Variants in CEP63 observed in about 807,000 individuals in gnomAD.
CEP63 encodes centrosomal protein of 63 kDa.
Under a neutral mutation model 89.1 loss-of-function variants are expected in CEP63, and 84 were observed. The observed-to-expected ratio is 0.94, with a 90% CI of 0.79 to 1.13. The LOEUF is 1.13. Ranked by LOEUF, CEP63 falls within the 50% of genes most tolerant of loss-of-function variation. CEP63 has a pLI of 0.00. For synonymous variants in CEP63, 267 were observed against 272.5 expected, an observed-to-expected ratio of 0.98 and a Z score of 0.20; for missense variants, 838 against 813.3, an observed-to-expected ratio of 1.03 and a Z score of -0.37.
At chr3:134,554,532 C>T (rs1289801221) in intron 12 of CEP63, among the ~76,000 whole-genome samples, 4 of 148,862 alleles carry the variant, frequency 2.7e-5, no homozygotes, top group African/African-American at 4.9e-5. Context: ...TGAATAGTGC[C>T]GCAATAAACA....
At chr3:134,695,881 A>C in the CEP63 span, among the ~76,000 whole-genome samples, 1 of 152,314 alleles carries the variant, frequency 6.6e-6, no homozygotes, top group African/African-American at 2.4e-5. Context: ...TCCTCACTAC[A>C]ATCTGGGGAC....
At chr3:134,604,599 G>T in the CEP63 span, 2 of 788,140 alleles carry the variant, frequency 2.5e-6, 1 homozygote, top group South Asian at 3.6e-5. Context: ...TATTTCCACG[G>T]TGTTAATACT....
chr3:134,551,255 C>G (rs909650330), intron 11 of CEP63, among the ~76,000 whole-genome samples: 1 of 152,120 alleles, frequency 6.6e-6, no homozygotes, highest in African/African-American at 2.4e-5. Flanking sequence ...GCTGTCCTTT[C>G]TTCATGGTGA....
chr3:134,741,841 G>A, the CEP63 span, among the ~76,000 whole-genome samples: 2 of 152,158 alleles, frequency 1.3e-5, no homozygotes, highest in South Asian at 4.2e-4. Context: ...TAGACTCTCA[G>A]GGGTTCAGCC....
chr3:134,486,005 C>A (rs1423259335), upstream of CEP63: 1 of 985,012 alleles, frequency 1.0e-6, no homozygotes, highest in Non-Finnish European at 1.2e-6. Flanking sequence ...CCCCCCCCTC[C>A]CCCGCATCAC....
downstream of CEP63, among the ~76,000 whole-genome samples, chr3:134,565,430 G>A (rs1052797997): frequency 5.3e-5 from 8 of 152,072 alleles, no homozygotes; most frequent in Non-Finnish European, 7.3e-5. Context: ...CAAAACACTC[G>A]AGTCCAGTAC....
intron 12 of CEP63, among the ~76,000 whole-genome samples, chr3:134,554,096 A>T (rs1199347063): frequency 6.6e-6 from 1 of 152,006 alleles, no homozygotes; most frequent in Non-Finnish European, 1.5e-5. Flanking sequence ...TCCTTTTATT[A>T]TTATACTTTA....
the CEP63 span, among the ~76,000 whole-genome samples, chr3:134,637,299 T>A: frequency 5.9e-5 from 9 of 152,258 alleles, no homozygotes; most frequent in Non-Finnish European, 1.0e-4. Flanking sequence ...TGTCTTCCCA[T>A]CATCAGTGAG....
At chr3:134,654,813 T>G in the CEP63 span, among the ~76,000 whole-genome samples, 2 of 152,050 alleles carry the variant, frequency 1.3e-5, no homozygotes, top group African/African-American at 4.8e-5. Flanking sequence ...ACTGGAGCCA[T>G]TCCCTCCCCT....
chr3:134,554,595 A>G (rs377228346), intron 12 of CEP63, among the ~76,000 whole-genome samples: 28 of 147,556 alleles, frequency 1.9e-4, no homozygotes, highest in East Asian at 8.4e-4. Context: ...TTGGGTATAT[A>G]CCCAGTAATG....
chr3:134,493,390 TCTC>T (rs1938439854), intron 1 of CEP63, among the ~76,000 whole-genome samples: 1 of 151,560 alleles, frequency 6.6e-6, no homozygotes, highest in Non-Finnish European at 1.5e-5. Context: ...GCCTCCCAGT[TCTC>T]CTAGAGTGGA....
chr3:134,727,317 C>T, the CEP63 span, among the ~76,000 whole-genome samples: 1 of 152,150 alleles, frequency 6.6e-6, no homozygotes, highest in African/African-American at 2.4e-5. Flanking sequence ...AGTGTTAGTG[C>T]AATTGAATTA....
intron 2 of CEP63, among the ~76,000 whole-genome samples, chr3:134,504,632 TG>T (rs1253117517): frequency 6.6e-6 from 1 of 152,216 alleles, no homozygotes; most frequent in African/African-American, 2.4e-5. Flanking sequence ...TTCCTTTATT[TG>T]GATATCTATA....
the CEP63 span, chr3:134,624,924 A>T: frequency 1.3e-6 from 1 of 780,988 alleles, no homozygotes; most frequent in South Asian, 1.6e-5. Context: ...TGCTATGAAA[A>T]GGCATTCCAG....
chr3:134,740,266 T>TTTCATTTA, the CEP63 span, among the ~76,000 whole-genome samples: 2,742 of 140,930 alleles, frequency 0.019, 82 homozygotes, highest in African/African-American at 0.068. Flanking sequence ...TATTCTTTTC[T>TTTCATTTA]TTTATTTATT....
the CEP63 span, chr3:134,629,482 C>A: frequency 1.6e-6 from 1 of 643,726 alleles, no homozygotes; most frequent in Non-Finnish European, 2.8e-6. Flanking sequence ...AGCTGTCATG[C>A]TTCTGCCTTT....
At chr3:134,738,914 A>G in the CEP63 span, among the ~76,000 whole-genome samples, 1 of 152,160 alleles carries the variant, frequency 6.6e-6, no homozygotes, top group East Asian at 1.9e-4. Context: ...TCACTAGGGA[A>G]ATTAAAATGA....
At chr3:134,487,240 TTTC>T (rs1302678186) in intron 1 of CEP63, among the ~76,000 whole-genome samples, 1 of 152,348 alleles carries the variant, frequency 6.6e-6, no homozygotes, top group East Asian at 1.9e-4. Context: ...GTGTATATAT[TTTC>T]TTATTTGGCA....
At chr3:134,694,738 C>T in the CEP63 span, among the ~76,000 whole-genome samples, 1 of 152,188 alleles carries the variant, frequency 6.6e-6, no homozygotes, top group Non-Finnish European at 1.5e-5. Context: ...ATTCAGCTCC[C>T]CCTTCATTTC....
Sources: gnomAD v4.1 joint callset for allele counts (sites outside exome capture counted in the v4.1 genomes callset) on GRCh38, gnomAD v4.1.1 for gene constraint, MANE v1.5 for transcripts, NCBI Gene and HGNC (gene_info 2026-07-23, HGNC 2026-07-21) for gene names.